KCNH7: variants seen among roughly 807,000 people sequenced by gnomAD.
KCNH7 encodes potassium voltage-gated channel subfamily H member 7, also known as voltage-gated inwardly rectifying potassium channel KCNH7.
KCNH7 carries 49 observed loss-of-function variants against 120.8 expected under a neutral mutation model. That is an observed-to-expected ratio of 0.41 (90% CI 0.32 to 0.51). The LOEUF (loss-of-function observed/expected upper bound fraction) is 0.51. Ranked by LOEUF, KCNH7 falls within the 20% of genes least tolerant of loss-of-function variation. The pLI is 0.38. For synonymous variants in KCNH7, 547 were observed against 516.1 expected, an observed-to-expected ratio of 1.06 and a Z score of -0.81; for missense variants, 1,097 against 1,446.6, an observed-to-expected ratio of 0.76 and a Z score of 3.92.
intron 2 of KCNH7, among the ~76,000 whole-genome samples, chr2:162,617,692 C>G (rs1470917874): frequency 6.6e-6 from 1 of 151,866 alleles, no homozygotes; most frequent in Non-Finnish European, 1.5e-5. Context: ...GTCTGGCAAC[C>G]GATATTAGTG....
chr2:162,525,120 G>A (rs1691654870), intron 3 of KCNH7, among the ~76,000 whole-genome samples: 2 of 151,908 alleles, frequency 1.3e-5, no homozygotes, highest in Non-Finnish European at 2.9e-5. Context: ...GATCCGATCG[G>A]TAATGCCATG....
At chr2:162,551,382 G>GT (rs1316018802) in intron 2 of KCNH7, among the ~76,000 whole-genome samples, 1 of 151,996 alleles carries the variant, frequency 6.6e-6, no homozygotes, top group Admixed American at 6.6e-5. Flanking sequence ...GTAATTTAGG[G>GT]TTTTTTCTTT....
intron 2 of KCNH7, among the ~76,000 whole-genome samples, chr2:162,620,811 C>G (rs1683327187): frequency 6.6e-6 from 1 of 152,056 alleles, no homozygotes; most frequent in African/African-American, 2.4e-5. Flanking sequence ...GAATAATCTT[C>G]CTATTACAGA....
At position 162,722,813 on chromosome 2, in the gene KCNH7, C is replaced by CTTTTTTTTTT. The variant is rs894023630; in HGVS notation, c.307+113714_307+113723dup. Among the ~76,000 whole-genome samples the CTTTTTTTTTT allele has an allele frequency of 2.8e-3, 242 of 84,994 alleles. 9 individuals carry two copies. Among genetic ancestry groups the CTTTTTTTTTT allele is most frequent in the African/African-American group, 6.5e-3 (108 of 16,524 alleles). The allele number at this position is 84,994 out of a possible 152,430, so 55.8% of individuals were successfully genotyped here. A position where few individuals can be genotyped will look rare whatever the true frequency, so the allele number is the denominator to read the frequency against. ...AATCCTTTTCATTCATTCTTTTTTT[C>CTTTTTTTTTT]TTTTTTTTTTTTTTTTTTGCTTCTC... On this transcript the variant is annotated intron_variant, in intron 2 of 15. Coordinates refer to ENST00000332142, the MANE Select transcript of KCNH7 (RefSeq NM_033272.4).
chr2:162,717,517 C>A (rs901784425), intron 2 of KCNH7, among the ~76,000 whole-genome samples: 1 of 152,080 alleles, frequency 6.6e-6, no homozygotes, highest in African/African-American at 2.4e-5. Context: ...CTTCAAAGTC[C>A]TCAGAATCTA....
intron 2 of KCNH7, among the ~76,000 whole-genome samples, chr2:162,615,022 G>A (rs1683097158): frequency 2.0e-5 from 3 of 152,082 alleles, no homozygotes; most frequent in African/African-American, 4.8e-5. Context: ...GTAAGACATC[G>A]TTCAGATCTG....
chr2:162,403,834 A>G (rs1285616123), intron 9 of KCNH7, among the ~76,000 whole-genome samples: 1 of 151,984 alleles, frequency 6.6e-6, no homozygotes, highest in Non-Finnish European at 1.5e-5. Flanking sequence ...CAGCTCTAGG[A>G]TCTGGGTTCT....
chr2:162,776,861 G>C (rs968997821), intron 2 of KCNH7, among the ~76,000 whole-genome samples: 3 of 152,276 alleles, frequency 2.0e-5, no homozygotes, highest in East Asian at 1.9e-4. Context: ...TGAACATGAA[G>C]TAACTTTCTG....
intron 2 of KCNH7, among the ~76,000 whole-genome samples, chr2:162,658,936 C>A (rs1023016773): frequency 3.3e-5 from 5 of 152,096 alleles, no homozygotes; most frequent in Non-Finnish European, 7.4e-5. Flanking sequence ...TTATTTCTTC[C>A]TTCCCAATTT....
chr2:162,780,442 A>G (rs536688723), intron 2 of KCNH7, among the ~76,000 whole-genome samples: 1 of 152,302 alleles, frequency 6.6e-6, no homozygotes, highest in Non-Finnish European at 1.5e-5. Context: ...GATGCACTGA[A>G]TAACAGCGTG....
intron 2 of KCNH7, among the ~76,000 whole-genome samples, chr2:162,555,850 T>C (rs962197256): frequency 3.3e-5 from 5 of 152,120 alleles, no homozygotes; most frequent in Non-Finnish European, 7.4e-5. Context: ...TAAAAGTCTT[T>C]TTATATTTTA....
Position 162,599,889 on chromosome 2 carries a change from A to G in KCNH7, c.308-62809T>C, listed in dbSNP as rs879665896. 2.3e-4 allele frequency among the ~76,000 whole-genome samples: 35 copies of G among 152,254 alleles called. No homozygotes were observed. In the South Asian group the frequency reaches 4.1e-3, roughly 18 times the overall value. ...ACCAAAGTACAGATTACAATTCACT[A>G]GGTAACAACCAGCACTGGGCTCAAT... On this transcript the variant is annotated intron_variant, in intron 2 of 15. Coordinates refer to ENST00000332142, the MANE Select transcript of KCNH7 (RefSeq NM_033272.4).
intron 2 of KCNH7, among the ~76,000 whole-genome samples, chr2:162,749,803 T>G (rs1395990990): frequency 3.3e-5 from 5 of 152,026 alleles, no homozygotes; most frequent in African/African-American, 1.2e-4. Flanking sequence ...AAAGAATGCA[T>G]AGCATAGAAA....
At chr2:162,563,056 GAC>G (rs77995273) in intron 2 of KCNH7, among the ~76,000 whole-genome samples, 3,483 of 152,172 alleles carry the variant, frequency 0.023, 127 homozygotes, top group East Asian at 0.18. Flanking sequence ...AATTATTTTT[GAC>G]ACTTGTAATT....
At chr2:162,609,058 A>AAC (rs1439843038) in intron 2 of KCNH7, among the ~76,000 whole-genome samples, 8 of 151,932 alleles carry the variant, frequency 5.3e-5, no homozygotes, top group Non-Finnish European at 1.0e-4. Context: ...CCAGCCCCCC[A>AAC]ACACACACAC....
chr2:162,390,253 TACAC>T (rs112123580), intron 12 of KCNH7, among the ~76,000 whole-genome samples: 3 of 149,306 alleles, frequency 2.0e-5, no homozygotes, highest in Admixed American at 1.3e-4. Context: ...TATATATATA[TACAC>T]ACACACACAC....
chr2:162,667,474 T>C (rs1300512664), intron 2 of KCNH7, among the ~76,000 whole-genome samples: 2 of 152,184 alleles, frequency 1.3e-5, no homozygotes, highest in Non-Finnish European at 2.9e-5. Context: ...ATTTCTCCTG[T>C]GCCTTTACCT....
At chr2:162,547,675 T>C (rs1692526200) in intron 2 of KCNH7, among the ~76,000 whole-genome samples, 1 of 152,128 alleles carries the variant, frequency 6.6e-6, no homozygotes, top group African/African-American at 2.4e-5. Flanking sequence ...TGTAGGAGAA[T>C]CAGGATTCTG....
intron 2 of KCNH7, among the ~76,000 whole-genome samples, chr2:162,639,647 T>C (rs1684079439): frequency 6.6e-6 from 1 of 152,146 alleles, no homozygotes; most frequent in African/African-American, 2.4e-5. Context: ...ATTGAATGTC[T>C]TCCCCCTAAG....
Sources: gnomAD v4.1 joint callset for allele counts (sites outside exome capture counted in the v4.1 genomes callset) on GRCh38, gnomAD v4.1.1 for gene constraint, MANE v1.5 for transcripts, NCBI Gene and HGNC (gene_info 2026-07-23, HGNC 2026-07-21) for gene names.